The following PIK3C2G variants were observed in gnomAD, a reference collection of about 807,000 sequenced individuals.
The protein encoded by PIK3C2G is phosphatidylinositol-4-phosphate 3-kinase catalytic subunit type 2 gamma.
PIK3C2G carries 168 observed loss-of-function variants against 181.1 expected under a neutral mutation model. The ratio of observed to expected loss-of-function variants is 0.93; its 90% confidence interval spans 0.82 to 1.05. The LOEUF is 1.05. Among genes scored for constraint, PIK3C2G ranks in the 50% least tolerant of loss-of-function variants. The pLI is 0.00. For missense variants in PIK3C2G, 1,869 were observed against 1,732.8 expected (o/e 1.08, Z -1.40); for synonymous variants, 573 against 592.2 (o/e 0.97, Z 0.47).
At chr12:18,595,912 C>A (rs74739861) in intron 30 of PIK3C2G, among the ~76,000 whole-genome samples, 2 of 152,076 alleles carry the variant, frequency 1.3e-5, no homozygotes, top group African/African-American at 2.4e-5. Context: ...TTGCTATACA[C>A]GCCTAGAATG....
chr12:18,338,839 C>T (rs1228092719), intron 9 of PIK3C2G, among the ~76,000 whole-genome samples: 4 of 151,904 alleles, frequency 2.6e-5, no homozygotes, highest in African/African-American at 9.7e-5. Context: ...CTTATAACTT[C>T]AGGTGATATT....
chr12:18,579,056 A>G (rs1946366674), intron 29 of PIK3C2G, among the ~76,000 whole-genome samples: 1 of 152,096 alleles, frequency 6.6e-6, no homozygotes, highest in Non-Finnish European at 1.5e-5. Flanking sequence ...TATTTATAAC[A>G]ATTATAAAAT....
intron 29 of PIK3C2G, among the ~76,000 whole-genome samples, chr12:18,579,181 A>C (rs2136413161): frequency 6.6e-6 from 1 of 152,328 alleles, no homozygotes; most frequent in South Asian, 2.1e-4. Context: ...AGAGATTAAA[A>C]ATAATGCAAC....
chr12:18,604,704 C>T (rs1947919524), intron 30 of PIK3C2G, among the ~76,000 whole-genome samples: 1 of 152,276 alleles, frequency 6.6e-6, no homozygotes, highest in Non-Finnish European at 1.5e-5. Flanking sequence ...CTCTCTCAGA[C>T]TACAATGGAT....
chr12:18,251,113 A>G (rs1948091550), intron 1 of PIK3C2G, among the ~76,000 whole-genome samples: 1 of 152,022 alleles, frequency 6.6e-6, no homozygotes, highest in African/African-American at 2.4e-5. Flanking sequence ...AAACATATGT[A>G]GCATTATATG....
At chr12:18,693,182 T>C in the PIK3C2G span, 2 of 1,553,036 alleles carry the variant, frequency 1.3e-6, no homozygotes, top group Non-Finnish European at 1.8e-6. Flanking sequence ...ACATCAGCAT[T>C]CTTTCATTTG....
chr12:18,550,604 A>C (rs1944678850), intron 26 of PIK3C2G, among the ~76,000 whole-genome samples: 1 of 152,048 alleles, frequency 6.6e-6, no homozygotes, highest in Non-Finnish European at 1.5e-5. Flanking sequence ...TAGATAGATA[A>C]TTGATAAAAG....
intron 8 of PIK3C2G, among the ~76,000 whole-genome samples, chr12:18,329,865 T>A (rs1485423117): frequency 6.6e-6 from 1 of 152,102 alleles, no homozygotes; most frequent in African/African-American, 2.4e-5. Flanking sequence ...TTTGCCAACA[T>A]TAGGTATATG....
chr12:18,426,893 T>G lies in PIK3C2G; in HGVS notation c.2504+2854T>G, dbSNP rs1020534306. Among the ~76,000 whole-genome samples, 35 of 152,206 alleles carry G rather than the reference T, an allele frequency of 2.3e-4. 1 individual carries two copies. The highest frequency in any genetic ancestry group is 8.2e-4 in the African/African-American group (34 of 41,462). ...TCTAGCATGTTATTATAATAAAACA[T>G]AAGATACATTGACTGGCATGAGGCC... is the stretch of plus-strand genomic sequence containing the variant. On this transcript the variant is annotated intron_variant, in intron 18 of 32. Coordinates refer to ENST00000538779, the MANE Select transcript of PIK3C2G (RefSeq NM_001288772.2).
At chr12:18,253,540 A>G (rs1172162261) in intron 1 of PIK3C2G, among the ~76,000 whole-genome samples, 1 of 152,212 alleles carries the variant, frequency 6.6e-6, no homozygotes, top group Non-Finnish European at 1.5e-5. Context: ...AGATTTGTTT[A>G]GATAAAGACC....
At chr12:18,382,154 T>C (rs888100652) in intron 14 of PIK3C2G, among the ~76,000 whole-genome samples, 1 of 152,142 alleles carries the variant, frequency 6.6e-6, no homozygotes, top group African/African-American at 2.4e-5. Context: ...GTATACTCAT[T>C]ATGGGCATTC....
At chr12:18,707,978 T>C in the PIK3C2G span, among the ~76,000 whole-genome samples, 1 of 152,226 alleles carries the variant, frequency 6.6e-6, no homozygotes, top group Non-Finnish European at 1.5e-5. Context: ...TATCCATCTA[T>C]CCATCATTTC....
intron 1 of PIK3C2G, among the ~76,000 whole-genome samples, chr12:18,261,849 T>C (rs1948250488): frequency 6.6e-6 from 1 of 152,206 alleles, no homozygotes; most frequent in South Asian, 2.1e-4. Flanking sequence ...TTTCTTTCTC[T>C]CTCTCTCCAG....
chr12:18,392,091 T>A (rs2138058073), intron 15 of PIK3C2G, among the ~76,000 whole-genome samples: 1 of 152,182 alleles, frequency 6.6e-6, no homozygotes, highest in African/African-American at 2.4e-5. Context: ...ATGTAACAGT[T>A]TAGGCAAGAG....
chr12:18,449,602 C>T (rs1468555700), intron 18 of PIK3C2G, among the ~76,000 whole-genome samples: 8 of 152,122 alleles, frequency 5.3e-5, no homozygotes, highest in Non-Finnish European at 8.8e-5. Flanking sequence ...TTTCCAGCTT[C>T]GTCCATGTTC....
chr12:18,617,084 G>A (rs1025692889), intron 31 of PIK3C2G, among the ~76,000 whole-genome samples: 1 of 152,020 alleles, frequency 6.6e-6, no homozygotes, highest in African/African-American at 2.4e-5. Flanking sequence ...AGCTTACTGA[G>A]TGGCAGAATC....
At chr12:18,707,645 T>C in the PIK3C2G span, among the ~76,000 whole-genome samples, 1 of 152,184 alleles carries the variant, frequency 6.6e-6, no homozygotes, top group African/African-American at 2.4e-5. Flanking sequence ...TTTATTCTAG[T>C]AAACTCATGC....
chr12:18,698,861 C>T, the PIK3C2G span, among the ~76,000 whole-genome samples: 1 of 151,966 alleles, frequency 6.6e-6, no homozygotes, highest in Non-Finnish European at 1.5e-5. Context: ...CTATCAAATA[C>T]TATGTCTTAT....
intron 17 of PIK3C2G, among the ~76,000 whole-genome samples, chr12:18,421,370 G>C (rs967421707): frequency 6.6e-6 from 1 of 151,856 alleles, no homozygotes; most frequent in Non-Finnish European, 1.5e-5. Context: ...ATAATCATTT[G>C]CTAGGCAGGT....
Sources: gnomAD v4.1 joint callset for allele counts (sites outside exome capture counted in the v4.1 genomes callset) on GRCh38, gnomAD v4.1.1 for gene constraint, MANE v1.5 for transcripts, NCBI Gene and HGNC (gene_info 2026-07-23, HGNC 2026-07-21) for gene names.